The following SCAPER variants were observed in gnomAD, a reference collection of about 807,000 sequenced individuals.
The protein encoded by SCAPER is S-phase cyclin A associated protein in the ER.
SCAPER carries 98 observed loss-of-function variants against 182.2 expected under a neutral mutation model. The ratio of observed to expected loss-of-function variants is 0.54; its 90% CI spans 0.46 to 0.64. The LOEUF is 0.64. SCAPER is among the 30% of genes least tolerant of loss of function. The pLI, the probability that SCAPER is intolerant of heterozygous loss-of-function variation, is 0.00. For synonymous variants in SCAPER, 605 were observed against 564.6 expected (o/e 1.07, Z -1.01); for missense variants, 1,432 against 1,690.0 (o/e 0.85, Z 2.68).
At chr15:76,635,774 C>T (rs76759339) in intron 21 of SCAPER, among the ~76,000 whole-genome samples, 11,762 of 152,098 alleles carry the variant, frequency 0.077, 512 homozygotes, top group African/African-American at 0.1. Flanking sequence ...CACAAAAGGT[C>T]GGATTTTGTT....
chr15:76,351,913 A>T (rs1475952016), intron 30 of SCAPER, among the ~76,000 whole-genome samples: 1 of 152,074 alleles, frequency 6.6e-6, no homozygotes, highest in East Asian at 1.9e-4. Context: ...AATATAAGAA[A>T]TTTTTTTTAG....
intron 15 of SCAPER, among the ~76,000 whole-genome samples, chr15:76,742,388 A>G (rs2061589102): frequency 6.6e-6 from 1 of 151,126 alleles, no homozygotes; most frequent in Non-Finnish European, 1.5e-5. Flanking sequence ...AACTGATAAA[A>G]AAAAACAATT....
chr15:76,526,723 T>C (rs933881222), intron 23 of SCAPER, among the ~76,000 whole-genome samples: 25 of 152,134 alleles, frequency 1.6e-4, no homozygotes, highest in African/African-American at 6.0e-4. Flanking sequence ...CAAAGGTATA[T>C]TTTTACTTCC....
rs1311493290 is a variant in SCAPER at position 76,597,156 on chromosome 15, A to T, written c.2712-22872T>A. On this transcript the variant is annotated intron_variant, in intron 22 of 31. Coordinates refer to ENST00000563290, the MANE Select transcript of SCAPER (RefSeq NM_020843.4). ...GTGCAAAAATCACAAGCATTCCTAT[A>T]CACCAATAATGGACAGAGAGTCAAA... is the stretch of plus-strand genomic sequence containing the variant. Among the ~76,000 whole-genome samples, 8 of 121,878 alleles carry T rather than the reference A, an allele frequency of 6.6e-5. 1 individual carries two copies. Among genetic ancestry groups the T allele is most frequent in the African/African-American group, 2.0e-4 (8 of 39,808 alleles). 80.0% of individuals were successfully genotyped at this position (121,878 alleles called of 152,430 possible). A position where few individuals can be genotyped will look rare whatever the true frequency, so the allele number is the denominator to read the frequency against.
intron 27 of SCAPER, among the ~76,000 whole-genome samples, chr15:76,386,870 G>C (rs1010143095): frequency 2.6e-5 from 4 of 152,194 alleles, no homozygotes; most frequent in African/African-American, 9.7e-5. Context: ...CTTTTACTGA[G>C]TGACATGGGA....
chr15:76,762,882 C>G (rs1016628314), intron 14 of SCAPER, among the ~76,000 whole-genome samples: 1 of 152,148 alleles, frequency 6.6e-6, no homozygotes, highest in Non-Finnish European at 1.5e-5. Context: ...GTGTGAGACA[C>G]CTGGCCTCAT....
chr15:76,494,147 T>C (rs1315941929), intron 24 of SCAPER, among the ~76,000 whole-genome samples: 1 of 152,176 alleles, frequency 6.6e-6, no homozygotes, highest in Non-Finnish European at 1.5e-5. Context: ...GACACATAGG[T>C]TCCAGTTCCA....
intron 5 of SCAPER, among the ~76,000 whole-genome samples, chr15:76,823,941 G>A (rs1267488924): frequency 6.6e-6 from 1 of 151,342 alleles, no homozygotes; most frequent in Non-Finnish European, 1.5e-5. Flanking sequence ...GAAGGGGCAA[G>A]AATATAAGCC....
chr15:76,584,626 G>T (rs1408726771), intron 22 of SCAPER, among the ~76,000 whole-genome samples: 1 of 152,184 alleles, frequency 6.6e-6, no homozygotes. Context: ...CACACAGTTG[G>T]TAAAATGTAC....
chr15:76,799,347 G>C (rs1009050167), intron 7 of SCAPER, among the ~76,000 whole-genome samples: 27 of 149,224 alleles, frequency 1.8e-4, no homozygotes, highest in South Asian at 2.1e-4. Flanking sequence ...GTACAGTGGC[G>C]TGATATTGGC....
intron 20 of SCAPER, among the ~76,000 whole-genome samples, chr15:76,675,809 G>C (rs1227651329): frequency 6.6e-6 from 1 of 151,880 alleles, no homozygotes; most frequent in East Asian, 1.9e-4. Context: ...TCAGGGGTGG[G>C]TAGTCCATTC....
intron 29 of SCAPER, among the ~76,000 whole-genome samples, chr15:76,371,275 T>C (rs554505163): frequency 6.6e-6 from 1 of 151,968 alleles, no homozygotes; most frequent in South Asian, 2.1e-4. Context: ...TAAAGAACTC[T>C]ACAAATATAA....
At chr15:76,478,335 T>A (rs909472869) in intron 24 of SCAPER, among the ~76,000 whole-genome samples, 2 of 152,070 alleles carry the variant, frequency 1.3e-5, no homozygotes, top group Non-Finnish European at 2.9e-5. Flanking sequence ...GTTAATATCT[T>A]TTTCCAGCTT....
intron 23 of SCAPER, among the ~76,000 whole-genome samples, chr15:76,564,129 C>A (rs761031501): frequency 6.6e-6 from 1 of 152,122 alleles, no homozygotes; most frequent in African/African-American, 2.4e-5. Context: ...CTTCTCTCAC[C>A]ACACCTATTC....
chr15:76,526,498 C>A (rs934005539), intron 23 of SCAPER, among the ~76,000 whole-genome samples: 4 of 152,090 alleles, frequency 2.6e-5, no homozygotes, highest in African/African-American at 7.2e-5. Context: ...AGTGCTAATT[C>A]TTCTTTTCTT....
chr15:76,702,692 G>A (rs892191767), intron 19 of SCAPER, among the ~76,000 whole-genome samples, 158 bp downstream of exon 19: 3 of 152,074 alleles, frequency 2.0e-5, no homozygotes, highest in Admixed American at 6.6e-5. Flanking sequence ...GAAGTGATCC[G>A]CCCACCTCAG....
intron 17 of SCAPER, among the ~76,000 whole-genome samples, chr15:76,724,066 G>T (rs1011790108): frequency 6.6e-6 from 1 of 152,134 alleles, no homozygotes; most frequent in Admixed American, 6.6e-5. Flanking sequence ...GGTACCGGTT[G>T]TTCCTTTCCA....
rs537142988 is a variant in SCAPER, at chr15:76,625,683, C to T, written c.2646-3854G>A. On this transcript the variant is annotated intron_variant, in intron 21 of 31. Transcript: ENST00000563290. ...TATGTGAGGCCCAAGCATGGACTCC[C>T]TCTCTGGAACAATACCTTTATATGG... Among the ~76,000 whole-genome samples the T allele has an allele frequency of 9.2e-5, 14 of 152,258 alleles. No homozygotes were observed. The South Asian group carries it at 1.2e-3, about 14-fold the overall frequency.
chr15:76,680,408 GATGATAATAATA>G (rs1293437996), intron 20 of SCAPER, among the ~76,000 whole-genome samples: 131 of 115,130 alleles, frequency 1.1e-3, no homozygotes, highest in Admixed American at 5.6e-3. Flanking sequence ...TGATGATGAT[GATGATAATAATA>G]ATAATAATAA....
Sources: allele counts gnomAD v4.1 joint callset (sites outside exome capture counted in the v4.1 genomes callset), GRCh38; gene constraint gnomAD v4.1.1; transcripts MANE v1.5; gene names NCBI Gene and HGNC (gene_info 2026-07-23, HGNC 2026-07-21).